ZNF385C: variants seen among roughly 807,000 people sequenced by gnomAD.
ZNF385C encodes the protein zinc finger protein 385C, also known as CTD-2132N18.2.
In ZNF385C, 28 loss-of-function variants were observed where a neutral mutation model predicts 35.4. That is an observed-to-expected ratio of 0.79 (90% CI 0.59 to 1.08). The LOEUF is 1.08. Among genes scored for constraint, ZNF385C ranks in the 50% least tolerant of loss-of-function variants. ZNF385C has a pLI of 0.00. For synonymous variants in ZNF385C, 248 were observed against 248.2 expected (o/e 1.00, Z 0.01); for missense variants, 605 against 595.6 (o/e 1.02, Z -0.16).
intron 1 of ZNF385C, among the ~76,000 whole-genome samples, chr17:42,073,922 C>T (rs782253516): frequency 6.6e-5 from 10 of 152,040 alleles, no homozygotes; most frequent in South Asian, 4.1e-4. Flanking sequence ...GCCTCACCCA[C>T]GGTGCCACCA....
At chr17:42,079,587 G>A (rs1299523221) in intron 1 of ZNF385C, among the ~76,000 whole-genome samples, 3 of 151,026 alleles carry the variant, frequency 2.0e-5, no homozygotes, top group Admixed American at 1.3e-4. Context: ...GATCATTTGG[G>A]CCCAGGAGTT....
chr17:42,064,068 G>GCGCATA (rs2053508428), intron 1 of ZNF385C, among the ~76,000 whole-genome samples: 1 of 59,488 alleles, frequency 1.7e-5, no homozygotes, highest in Non-Finnish European at 4.1e-5. Context: ...GCGCGCACAC[G>GCGCATA]CACATACACA....
intron 1 of ZNF385C, among the ~76,000 whole-genome samples, chr17:42,072,712 A>C (rs1555658976): frequency 6.6e-6 from 1 of 151,604 alleles, no homozygotes; most frequent in Admixed American, 6.5e-5. Context: ...AGCAGGTGCC[A>C]GGAGCCGCGC....
At chr17:42,054,148 G>A (rs572331299) in intron 2 of ZNF385C, among the ~76,000 whole-genome samples, 5 of 152,330 alleles carry the variant, frequency 3.3e-5, no homozygotes, top group African/African-American at 9.6e-5. Context: ...GGAGGATATC[G>A]GGGAGCATCC....
intron 4 of ZNF385C, among the ~76,000 whole-genome samples, chr17:42,032,429 T>A (rs1419274098): frequency 1.3e-5 from 2 of 152,178 alleles, no homozygotes; most frequent in African/African-American, 4.8e-5. Context: ...CCTGTGATGA[T>A]AATACTGACC....
intron 2 of ZNF385C, among the ~76,000 whole-genome samples, chr17:42,041,850 T>C (rs1445557214): frequency 6.6e-6 from 1 of 152,160 alleles, no homozygotes; most frequent in Non-Finnish European, 1.5e-5. Context: ...CCAGGGGCCA[T>C]GTGAGTGATA....
intron 1 of ZNF385C, among the ~76,000 whole-genome samples, chr17:42,074,968 G>A (rs567802411): frequency 2.0e-5 from 3 of 152,288 alleles, no homozygotes; most frequent in African/African-American, 7.2e-5. Context: ...TAACAAGATG[G>A]CCCATTCCAC....
At chr17:42,034,078 A>G in intron 4 of ZNF385C, 147 bp downstream of exon 4, 2 of 681,882 alleles carry the variant, frequency 2.9e-6, no homozygotes, top group South Asian at 1.6e-5. Context: ...AAGGACCAAG[A>G]GTGCCTCTTC....
At chr17:42,059,561 A>T (rs2053430357) in intron 2 of ZNF385C, among the ~76,000 whole-genome samples, 2 of 152,208 alleles carry the variant, frequency 1.3e-5, no homozygotes, top group Non-Finnish European at 2.9e-5. Flanking sequence ...GTCCGCAGCC[A>T]TCTGGGCAGC....
intron 3 of ZNF385C, among the ~76,000 whole-genome samples, chr17:42,036,114 C>T (rs573773763): frequency 5.9e-5 from 9 of 152,288 alleles, no homozygotes; most frequent in Admixed American, 2.6e-4. Flanking sequence ...CCTGCCTCAG[C>T]CTCCCAAGTA....
At chr17:42,066,850 C>CCT (rs2053553828) in intron 1 of ZNF385C, among the ~76,000 whole-genome samples, 18 of 152,054 alleles carry the variant, frequency 1.2e-4, no homozygotes, top group Non-Finnish European at 2.4e-4. Context: ...GGGTGGATCA[C>CCT]GAGATCAGGA....
At chr17:42,080,773 G>A (rs781800173) in intron 1 of ZNF385C, among the ~76,000 whole-genome samples, 1 of 152,194 alleles carries the variant, frequency 6.6e-6, no homozygotes, top group Non-Finnish European at 1.5e-5. Context: ...CTGAGGACAG[G>A]CTGTGTCAAC....
chr17:42,091,936 G>A (rs1477382434), intron 1 of ZNF385C, among the ~76,000 whole-genome samples: 1 of 152,156 alleles, frequency 6.6e-6, no homozygotes, highest in African/African-American at 2.4e-5. Flanking sequence ...GAAGAGCCAG[G>A]GGTGACTGCA....
At chr17:42,031,326 C>T (rs2052724170) in intron 5 of ZNF385C, among the ~76,000 whole-genome samples, 2 of 152,120 alleles carry the variant, frequency 1.3e-5, no homozygotes, top group South Asian at 4.1e-4. Flanking sequence ...TGTGAGCCAC[C>T]ATTCCTAACT....
chr17:42,033,277 C>T (rs1045257989), intron 4 of ZNF385C, among the ~76,000 whole-genome samples: 2 of 152,192 alleles, frequency 1.3e-5, no homozygotes, highest in Non-Finnish European at 2.9e-5. Flanking sequence ...TGAGGTTCCT[C>T]CTCTACCTAG....
chr17:42,071,974 G>C (rs984186277), intron 1 of ZNF385C, among the ~76,000 whole-genome samples: 6 of 152,070 alleles, frequency 3.9e-5, no homozygotes, highest in Admixed American at 3.9e-4. Flanking sequence ...CTGGCCAGGG[G>C]CCCCCCCATG....
intron 2 of ZNF385C, chr17:42,040,765 A>T (rs781798719): frequency 7.5e-5 from 93 of 1,232,196 alleles, no homozygotes; most frequent in Non-Finnish European, 8.6e-5. Flanking sequence ...GCCACCATGG[A>T]GGCGGAATAG....
chr17:42,077,378 G>T (rs1339651042), intron 1 of ZNF385C, among the ~76,000 whole-genome samples: 1 of 152,096 alleles, frequency 6.6e-6, no homozygotes, highest in Admixed American at 6.6e-5. Flanking sequence ...GGTGTTGCTG[G>T]TCCCGGCTTT....
At chr17:42,029,729 A>G (rs2052684320) in intron 5 of ZNF385C, among the ~76,000 whole-genome samples, 1 of 149,942 alleles carries the variant, frequency 6.7e-6, no homozygotes, top group Non-Finnish European at 1.5e-5. Context: ...CAAACAAACA[A>G]ACAAAAAAAA....
Sources: allele counts gnomAD v4.1 joint callset (sites outside exome capture counted in the v4.1 genomes callset), GRCh38; gene constraint gnomAD v4.1.1; transcripts MANE v1.5; gene names NCBI Gene and HGNC (gene_info 2026-07-23, HGNC 2026-07-21).